Variants in CSTPP1 observed in about 807,000 individuals in gnomAD.
CSTPP1 encodes the protein UPF0705 protein C11orf49.
the CSTPP1 span, chr11:47,161,386 T>G: frequency 6.3e-7 from 1 of 1,598,518 alleles, no homozygotes; most frequent in Non-Finnish European, 8.5e-7. Flanking sequence ...TTTACCCTAG[T>G]GTTAAGAGTG....
the CSTPP1 span, among the ~76,000 whole-genome samples, chr11:46,939,384 C>T: frequency 6.6e-6 from 1 of 152,126 alleles, no homozygotes; most frequent in Non-Finnish European, 1.5e-5. Flanking sequence ...CCACCGCGCC[C>T]AGCCAACATC....
the CSTPP1 span, chr11:47,052,734 A>G: frequency 1.4e-4 from 71 of 500,992 alleles, no homozygotes; most frequent in Non-Finnish European, 2.2e-4. Context: ...CAAAGATATT[A>G]CTATTACCAC....
chr11:47,097,264 C>T, the CSTPP1 span, among the ~76,000 whole-genome samples: 2 of 119,284 alleles, frequency 1.7e-5, no homozygotes, highest in African/African-American at 2.9e-5. Context: ...CCGCCCCGTC[C>T]GGGAGGGAGG....
chr11:47,094,267 A>G, the CSTPP1 span, among the ~76,000 whole-genome samples: 1 of 152,348 alleles, frequency 6.6e-6, no homozygotes, highest in South Asian at 2.1e-4. Context: ...AAAATTAAAT[A>G]CAGTTATAAA....
At chr11:47,008,451 A>T in the CSTPP1 span, among the ~76,000 whole-genome samples, 2 of 152,170 alleles carry the variant, frequency 1.3e-5, no homozygotes, top group Admixed American at 6.5e-5. Flanking sequence ...TGATATTGTG[A>T]GATATCTGGT....
the CSTPP1 span, among the ~76,000 whole-genome samples, chr11:47,059,332 C>A: frequency 6.6e-6 from 1 of 152,082 alleles, no homozygotes; most frequent in Non-Finnish European, 1.5e-5. Context: ...ATAAAATAAA[C>A]TAGATTCTTA....
chr11:47,148,248 A>C, the CSTPP1 span, among the ~76,000 whole-genome samples: 12 of 152,248 alleles, frequency 7.9e-5, no homozygotes, highest in Admixed American at 7.8e-4. Flanking sequence ...CTAGAGGTGC[A>C]CTGTGAGCCC....
the CSTPP1 span, among the ~76,000 whole-genome samples, chr11:46,954,043 A>T: frequency 6.6e-6 from 1 of 152,240 alleles, no homozygotes. Context: ...GACTAGGGCC[A>T]AGTACAAGTA....
At chr11:47,020,154 C>T in the CSTPP1 span, among the ~76,000 whole-genome samples, 2 of 152,146 alleles carry the variant, frequency 1.3e-5, no homozygotes. Flanking sequence ...GGCATGAAGG[C>T]ATTAACTGGG....
chr11:47,117,125 C>A, the CSTPP1 span, among the ~76,000 whole-genome samples: 1 of 152,140 alleles, frequency 6.6e-6, no homozygotes, highest in African/African-American at 2.4e-5. Flanking sequence ...GGGCATTTAG[C>A]CCATTTACAT....
At chr11:46,946,470 A>G in the CSTPP1 span, among the ~76,000 whole-genome samples, 1 of 152,216 alleles carries the variant, frequency 6.6e-6, no homozygotes, top group Admixed American at 6.5e-5. Context: ...CATCCTGGCT[A>G]ACACGGTGAA....
At chr11:46,981,674 G>A in the CSTPP1 span, among the ~76,000 whole-genome samples, 1 of 151,838 alleles carries the variant, frequency 6.6e-6, no homozygotes, top group Admixed American at 6.6e-5. Context: ...GGAAGAATAC[G>A]GGCTTTGGAG....
chr11:47,107,087 G>C, the CSTPP1 span, among the ~76,000 whole-genome samples: 1 of 152,192 alleles, frequency 6.6e-6, no homozygotes, highest in East Asian at 1.9e-4. Flanking sequence ...GGAAGGAGGG[G>C]CTGAGCTGTG....
At chr11:47,052,428 G>A in the CSTPP1 span, 1 of 1,614,036 alleles carries the variant, frequency 6.2e-7, no homozygotes, top group Non-Finnish European at 8.5e-7. Context: ...TCTCTTTCGA[G>A]AATTCAGCTT....
chr11:47,162,843 C>G, the CSTPP1 span, among the ~76,000 whole-genome samples: 1 of 152,156 alleles, frequency 6.6e-6, no homozygotes, highest in Non-Finnish European at 1.5e-5. Flanking sequence ...GGAACTGCCT[C>G]CCAAACCCCT....
the CSTPP1 span, among the ~76,000 whole-genome samples, chr11:47,096,488 T>C: frequency 1.3e-5 from 2 of 152,206 alleles, no homozygotes; most frequent in African/African-American, 4.8e-5. Context: ...CCTGGAGGCA[T>C]GGGTCGGAGT....
the CSTPP1 span, among the ~76,000 whole-genome samples, chr11:47,008,821 G>C: frequency 6.6e-6 from 1 of 152,138 alleles, no homozygotes; most frequent in Admixed American, 6.5e-5. Flanking sequence ...ACAAGGTCAG[G>C]AGATCGAGAC....
chr11:47,074,524 G>GA, the CSTPP1 span, among the ~76,000 whole-genome samples: 96 of 126,230 alleles, frequency 7.6e-4, 1 homozygote, highest in African/African-American at 1.6e-3. Context: ...AAAAAAAACA[G>GA]AAAAAAAAAA....
chr11:47,006,897 C>A, the CSTPP1 span, among the ~76,000 whole-genome samples: 1 of 150,590 alleles, frequency 6.6e-6, no homozygotes, highest in Admixed American at 6.6e-5. Flanking sequence ...TGGCCTCTAC[C>A]CTCTCTTTAC....
Sources: gnomAD v4.1 joint callset for allele counts (sites outside exome capture counted in the v4.1 genomes callset) on GRCh38, gnomAD v4.1.1 for gene constraint, MANE v1.5 for transcripts, NCBI Gene and HGNC (gene_info 2026-07-23, HGNC 2026-07-21) for gene names.